TDP1: variants seen among roughly 807,000 people sequenced by gnomAD.
TDP1 encodes tyrosyl-DNA phosphodiesterase 1.
A neutral mutation model predicts 81.5 loss-of-function variants in TDP1; 64 were observed. The ratio of observed to expected loss-of-function variants is 0.79; its 90% CI spans 0.64 to 0.97. The LOEUF (loss-of-function observed/expected upper bound fraction) is 0.97. Ranked by LOEUF, TDP1 falls within the 50% of genes least tolerant of loss-of-function variation. The pLI, the probability that TDP1 is intolerant of heterozygous loss-of-function variation, is 0.00. For missense variants in TDP1, 723 were observed against 743.8 expected (o/e 0.97, Z 0.33); for synonymous variants, 256 against 264.3 (o/e 0.97, Z 0.30).
rs2139937838 is a variant in TDP1 at position 89,962,936 on chromosome 14, T to C, written c.-7-172T>C. ...CTTTTGCTTGTGATTTGGCAGAATC[T>C]GATAGTGGATTCTGGTAATGTGCTT... On this transcript the variant is annotated intron_variant, in intron 2 of 16. Transcript: ENST00000335725. 5 of 985,222 alleles carry C rather than the reference T, an allele frequency of 5.1e-6. No homozygotes were observed. The South Asian group carries it at 1.9e-4, about 37-fold the overall frequency. 61.0% of individuals were successfully genotyped at this position (985,222 alleles called of 1,614,324 possible). A position where few individuals can be genotyped will look rare whatever the true frequency, so the allele number is the denominator to read the frequency against.
chr14:90,035,439 C>T (rs914610812), intron 16 of TDP1, among the ~76,000 whole-genome samples: 1 of 151,198 alleles, frequency 6.6e-6, no homozygotes, highest in Non-Finnish European at 1.5e-5. Flanking sequence ...TTAAAGCAGT[C>T]TGTCAGGATC....
At chr14:89,972,579 C>T (rs1308095596) in intron 6 of TDP1, among the ~76,000 whole-genome samples, 1 of 152,228 alleles carries the variant, frequency 6.6e-6, no homozygotes, top group Non-Finnish European at 1.5e-5. Context: ...CTTGGACTTT[C>T]ATTAGGATCC....
chr14:89,971,124 C>T, intron 5 of TDP1, 51 bp from the exon 6 acceptor site: 1 of 1,526,452 alleles, frequency 6.6e-7, no homozygotes, highest in South Asian at 1.1e-5. Flanking sequence ...GTGTGAGCCA[C>T]TGAGCCTGGC....
At chr14:89,969,663 A>G (rs1247319696) in intron 5 of TDP1, among the ~76,000 whole-genome samples, 1 of 152,144 alleles carries the variant, frequency 6.6e-6, no homozygotes, top group African/African-American at 2.4e-5. Context: ...TTTACCTGTC[A>G]TGTTAGAATA....
intron 14 of TDP1, among the ~76,000 whole-genome samples, chr14:90,010,012 A>T (rs949357233): frequency 6.6e-6 from 1 of 152,282 alleles, no homozygotes; most frequent in African/African-American, 2.4e-5. Flanking sequence ...CCTAAGTGAG[A>T]ACGCTAAAGC....
At chr14:90,003,872 C>G (rs1268811376) in intron 14 of TDP1, among the ~76,000 whole-genome samples, 2 of 152,178 alleles carry the variant, frequency 1.3e-5, no homozygotes, top group Non-Finnish European at 2.9e-5. Context: ...ATGCAGTACT[C>G]CTTCTCTAAT....
At chr14:89,982,571 G>T (rs1375617017) in intron 8 of TDP1, among the ~76,000 whole-genome samples, 2 of 152,222 alleles carry the variant, frequency 1.3e-5, no homozygotes, top group South Asian at 4.1e-4. Context: ...TTAGCTTACA[G>T]GCAGTAGTAC....
rs1027460724 is a variant in TDP1 at position 89,971,876 on chromosome 14, A to C, written c.756+605A>C. 6.6e-5 allele frequency among the ~76,000 whole-genome samples: 10 copies of C among 152,028 alleles called. No individual in the cohort carries two copies. In the East Asian group the frequency reaches 1.9e-3, roughly 29 times the overall value. ...CCTTATGTAACTTATATTAGCTGCC[A>C]TTGACACTTCAACGGTAGTCCTTCA... On this transcript the variant is annotated intron_variant, in intron 6 of 16. Transcript: ENST00000335725.
rs142467545 is a variant in TDP1 at position 89,980,126 on chromosome 14, T to G, written c.792-414T>G. 2.4e-5 allele frequency: 24 copies of G among 983,618 alleles called. No homozygotes were observed. The East Asian group carries it at 1.7e-3, about 70-fold the overall frequency. The allele number at this position is 983,618 out of a possible 1,614,324, so 60.9% of individuals were successfully genotyped here. On this transcript the variant is annotated intron_variant, in intron 7 of 16. Transcript: ENST00000335725. Reference sequence around the variant, plus strand: ...TAATTAAATATATACAGTATACCAATTTATGCTATTTTAGTTGTTTAAAAA... The same window carrying G: ...TAATTAAATATATACAGTATACCAAGTTATGCTATTTTAGTTGTTTAAAAA...
chr14:90,011,065 C>T (rs1884642280), intron 14 of TDP1, among the ~76,000 whole-genome samples: 1 of 152,098 alleles, frequency 6.6e-6, no homozygotes, highest in African/African-American at 2.4e-5. Context: ...GAATATGTCT[C>T]ATGAGATCTG....
At chr14:90,013,229 G>A (rs566507510) in intron 14 of TDP1, among the ~76,000 whole-genome samples, 1 of 152,310 alleles carries the variant, frequency 6.6e-6, no homozygotes, top group Non-Finnish European at 1.5e-5. Flanking sequence ...GATTGGTTTT[G>A]AAATGTGAGA....
chr14:89,961,950 T>C (rs191501420), intron 2 of TDP1, among the ~76,000 whole-genome samples: 3 of 152,322 alleles, frequency 2.0e-5, no homozygotes, highest in Admixed American at 2.0e-4. Flanking sequence ...GCTAAAATGT[T>C]AAAAGTATCA....
At chr14:90,031,032 C>T (rs1887219543) in intron 15 of TDP1, among the ~76,000 whole-genome samples, 1 of 152,092 alleles carries the variant, frequency 6.6e-6, no homozygotes, top group Non-Finnish European at 1.5e-5. Context: ...CTCGGCCTCC[C>T]AAAGTGCTGG....
At chr14:89,980,662 G>A (rs776735413) in intron 8 of TDP1, 30 bp downstream of exon 8, 1 of 1,546,964 alleles carries the variant, frequency 6.5e-7, no homozygotes, top group East Asian at 2.2e-5. Context: ...CTTCCTGGCA[G>A]TGTGTGTGTT....
chr14:89,978,767 C>T (rs1014870027), intron 7 of TDP1, among the ~76,000 whole-genome samples: 1 of 152,184 alleles, frequency 6.6e-6, no homozygotes, highest in Non-Finnish European at 1.5e-5. Flanking sequence ...TTCTTAATTA[C>T]AATCAGCTGC....
At chr14:89,983,235 G>A (rs932598838) in intron 8 of TDP1, 26 of 440,404 alleles carry the variant, frequency 5.9e-5, no homozygotes, top group East Asian at 2.8e-4. Context: ...TTTTACACAC[G>A]GAGGCAAAGG....
At chr14:90,014,421 G>A (rs976560161) in intron 14 of TDP1, among the ~76,000 whole-genome samples, 28 of 152,310 alleles carry the variant, frequency 1.8e-4, no homozygotes, top group Middle Eastern at 3.4e-3. Flanking sequence ...ACACACTGCC[G>A]TGGAGTTTTA....
chr14:89,993,422 A>G lies in TDP1; in HGVS notation c.1480A>G (p.Ile494Val), dbSNP rs1896391710. 2 of 1,613,928 alleles carry G rather than the reference A, an allele frequency of 1.2e-6. No homozygotes were observed. Among genetic ancestry groups the G allele is most frequent in the Non-Finnish European group, 1.7e-6 (2 of 1,179,878 alleles). Residue 494 changes from isoleucine (I) to valine (V), a missense_variant, in exon 14 of 17, where the codon ATT becomes GTT. By Grantham distance (29) the Ile-to-Val change is conservative. Transcript: ENST00000335725. ...TGGCCGCAGCAATGCCATGCCACAT[A>G]TTAAGACATATATGAGGCCTTCTCC... ...TSGRSNAMPH[I>V]KTYMRPSPDF...
chr14:89,979,185 G>C (rs1253769778), intron 7 of TDP1, among the ~76,000 whole-genome samples: 1 of 152,048 alleles, frequency 6.6e-6, no homozygotes, highest in African/African-American at 2.4e-5. Context: ...TTAGATTCCT[G>C]AAATATTGAA....
Sources: gnomAD v4.1 joint callset for allele counts (sites outside exome capture counted in the v4.1 genomes callset) on GRCh38, gnomAD v4.1.1 for gene constraint, MANE v1.5 for transcripts, NCBI Gene and HGNC (gene_info 2026-07-23, HGNC 2026-07-21) for gene names.